Variants in RNLS observed in about 807,000 individuals in gnomAD.
The protein encoded by RNLS is renalase.
In RNLS, 39 loss-of-function variants were observed where a neutral mutation model predicts 39.8. The observed-to-expected ratio is 0.98, with a 90% CI of 0.76 to 1.28. The LOEUF is 1.28. RNLS is among the 50% of genes most tolerant of loss of function. RNLS has a pLI of 0.00. For synonymous variants in RNLS, 147 were observed against 150.7 expected (o/e 0.98, Z 0.18); for missense variants, 410 against 413.3 (o/e 0.99, Z 0.07).
chr10:88,295,605 A>G (rs1366833662), intron 6 of RNLS, among the ~76,000 whole-genome samples: 2 of 152,132 alleles, frequency 1.3e-5, no homozygotes, highest in African/African-American at 2.4e-5. Context: ...CTGTGAAATT[A>G]CTATTGGTTG....
At chr10:88,490,850 T>C (rs942770084) in intron 4 of RNLS, among the ~76,000 whole-genome samples, 1 of 152,136 alleles carries the variant, frequency 6.6e-6, no homozygotes, top group Non-Finnish European at 1.5e-5. Flanking sequence ...CCCTGGGGCA[T>C]TTCAAAATCC....
At chr10:88,335,428 C>T (rs574326798) in intron 5 of RNLS, among the ~76,000 whole-genome samples, 92 of 152,154 alleles carry the variant, frequency 6.0e-4, no homozygotes, top group African/African-American at 2.1e-3. Context: ...CTCTGTTGCC[C>T]AGGCTGGTCT....
chr10:88,410,771 C>G (rs1853604901), intron 4 of RNLS, among the ~76,000 whole-genome samples: 1 of 152,060 alleles, frequency 6.6e-6, no homozygotes, highest in Non-Finnish European at 1.5e-5. Context: ...TATCTTCATT[C>G]AACACCCCCG....
At chr10:88,443,075 T>C (rs537049746) in intron 4 of RNLS, among the ~76,000 whole-genome samples, 24 of 152,242 alleles carry the variant, frequency 1.6e-4, no homozygotes, top group Non-Finnish European at 3.4e-4. Flanking sequence ...GAAGATTTAA[T>C]CTGTTAAACA....
chr10:88,492,129 G>A (rs1844918571), intron 4 of RNLS, among the ~76,000 whole-genome samples: 1 of 152,004 alleles, frequency 6.6e-6, no homozygotes, highest in Non-Finnish European at 1.5e-5. Context: ...TATTTTGAGG[G>A]AAAAATAGAC....
intron 4 of RNLS, among the ~76,000 whole-genome samples, chr10:88,572,604 G>T (rs1314819632): frequency 6.6e-6 from 1 of 152,138 alleles, no homozygotes; most frequent in Non-Finnish European, 1.5e-5. Context: ...TCTCAAAAAT[G>T]GCCACAAAAA....
At chr10:88,319,692 A>G (rs554654350) in intron 5 of RNLS, among the ~76,000 whole-genome samples, 3 of 152,228 alleles carry the variant, frequency 2.0e-5, no homozygotes, top group African/African-American at 7.2e-5. Flanking sequence ...AAAGAATTTC[A>G]GAGCTTGAAA....
chr10:88,564,215 C>T (rs543877012), intron 4 of RNLS, among the ~76,000 whole-genome samples: 2 of 152,026 alleles, frequency 1.3e-5, no homozygotes, highest in South Asian at 4.2e-4. Flanking sequence ...AAAAAATTTA[C>T]AAGGATAAAT....
the RNLS span, among the ~76,000 whole-genome samples, chr10:88,249,962 C>G: frequency 6.6e-6 from 1 of 152,174 alleles, no homozygotes; most frequent in African/African-American, 2.4e-5. Flanking sequence ...CCTGGGTTAC[C>G]AATCCATGGC....
chr10:88,544,730 T>C (rs1848210459), intron 4 of RNLS, among the ~76,000 whole-genome samples: 2 of 152,194 alleles, frequency 1.3e-5, no homozygotes, highest in Admixed American at 1.3e-4. Context: ...CTGAATGGTA[T>C]ATAGCCACTC....
At chr10:88,384,430 CTAAG>C (rs1256723306) in intron 4 of RNLS, among the ~76,000 whole-genome samples, 2 of 152,122 alleles carry the variant, frequency 1.3e-5, no homozygotes, top group South Asian at 2.1e-4. Flanking sequence ...CTCAGAGAGG[CTAAG>C]TAATTCCTCA....
At chr10:88,211,462 G>T in the RNLS span, among the ~76,000 whole-genome samples, 1 of 152,168 alleles carries the variant, frequency 6.6e-6, no homozygotes, top group Non-Finnish European at 1.5e-5. Flanking sequence ...AGTGCTATGA[G>T]CAAAAAGCAC....
intron 4 of RNLS, among the ~76,000 whole-genome samples, chr10:88,446,811 C>T (rs1367169792): frequency 6.6e-6 from 1 of 152,196 alleles, no homozygotes; most frequent in African/African-American, 2.4e-5. Context: ...AAAGCTTACC[C>T]ACCATGATCA....
At position 88,285,476 on chromosome 10, in the gene RNLS, G is replaced by A; in HGVS notation, c.907C>T (p.Gln303Ter). 1 of 1,612,964 alleles carries A rather than the reference G, an allele frequency of 6.2e-7. No homozygotes were observed. Among genetic ancestry groups the A allele is most frequent in the East Asian group, 2.2e-5 (1 of 44,818 alleles). The change falls in exon 7 of 7, where the codon CAA becomes TAA. Residue 303 changes from glutamine (Q) to a stop codon, truncating the protein, a stop_gained. Coordinates refer to ENST00000331772, the MANE Select transcript of RNLS (RefSeq NM_001031709.3). LOFTEE classifies it high-confidence loss of function. ...AAAGGTTTGTGATGCAGAGTCATTT[G>A]GCCAGGACAGTTGGCAGCAGCATTT... The part of the protein sequence containing the change: ...VTNAAANCPG[Q>*]MTLHHKPFLA...
At chr10:88,217,859 G>A in the RNLS span, among the ~76,000 whole-genome samples, 1 of 151,908 alleles carries the variant, frequency 6.6e-6, no homozygotes, top group African/African-American at 2.4e-5. Flanking sequence ...GGCCAACATG[G>A]TGAAAACCCA....
the RNLS span, among the ~76,000 whole-genome samples, chr10:88,265,156 T>TTA: frequency 0.47 from 71,508 of 151,764 alleles, 18,581 homozygotes; most frequent in Middle Eastern, 0.58. Context: ...GTATTTAGGT[T>TTA]TATTTCTGGG....
chr10:88,375,972 G>A (rs1204680314), intron 4 of RNLS, among the ~76,000 whole-genome samples: 1 of 152,066 alleles, frequency 6.6e-6, no homozygotes, highest in Non-Finnish European at 1.5e-5. Flanking sequence ...ACAATGTATG[G>A]TGAATAAATG....
chr10:88,319,952 C>A (rs1846052743), intron 5 of RNLS, among the ~76,000 whole-genome samples: 1 of 151,750 alleles, frequency 6.6e-6, no homozygotes, highest in African/African-American at 2.4e-5. Flanking sequence ...TCGCAAGATA[C>A]TACAGAAGAT....
At chr10:88,491,267 G>T (rs180849794) in intron 4 of RNLS, among the ~76,000 whole-genome samples, 1 of 152,252 alleles carries the variant, frequency 6.6e-6, no homozygotes, top group Admixed American at 6.5e-5. Flanking sequence ...GAGAGGAAAA[G>T]GTACTGGATT....
Sources: allele counts gnomAD v4.1 joint callset (sites outside exome capture counted in the v4.1 genomes callset), GRCh38; gene constraint gnomAD v4.1.1; transcripts MANE v1.5; gene names NCBI Gene and HGNC (gene_info 2026-07-23, HGNC 2026-07-21).